The following KDM4C variants were observed in gnomAD, a reference collection of about 807,000 sequenced individuals.
KDM4C encodes the protein lysine-specific demethylase 4C.
KDM4C carries 81 observed loss-of-function variants against 129.3 expected under a neutral mutation model. The observed-to-expected ratio is 0.63, with a 90% CI of 0.52 to 0.75. The LOEUF (loss-of-function observed/expected upper bound fraction) is 0.75, where lower values mean the gene tolerates loss of function less well. Ranked by LOEUF, KDM4C falls within the 30% of genes least tolerant of loss-of-function variation. The pLI is 0.00. For synonymous variants in KDM4C, 573 were observed against 456.1 expected (o/e 1.26, Z -3.26); for missense variants, 1,457 against 1,304.0 (o/e 1.12, Z -1.81).
intron 1 of KDM4C, among the ~76,000 whole-genome samples, chr9:6,733,475 C>T (rs1465937163): frequency 6.6e-6 from 1 of 152,224 alleles, no homozygotes; most frequent in Non-Finnish European, 1.5e-5. Context: ...ACTGAGAGAT[C>T]AGACTCTGGA....
chr9:6,952,791 AT>A (rs1389304510), intron 8 of KDM4C, among the ~76,000 whole-genome samples: 2 of 152,220 alleles, frequency 1.3e-5, no homozygotes, highest in East Asian at 3.8e-4. Context: ...TTCCAGTGAC[AT>A]AAGTGCTCTT....
chr9:6,894,936 G>T (rs1283004258), intron 8 of KDM4C, among the ~76,000 whole-genome samples: 1 of 152,178 alleles, frequency 6.6e-6, no homozygotes, highest in East Asian at 1.9e-4. Context: ...TTAGAGAAAA[G>T]AACTTAGGTA....
At chr9:6,951,304 A>G (rs553999143) in intron 8 of KDM4C, among the ~76,000 whole-genome samples, 3 of 152,222 alleles carry the variant, frequency 2.0e-5, no homozygotes, top group Non-Finnish European at 4.4e-5. Context: ...ATCCTTTAAC[A>G]CATCTCTCCC....
At chr9:6,834,975 C>T (rs1017364576) in intron 4 of KDM4C, 2 of 990,346 alleles carry the variant, frequency 2.0e-6, no homozygotes, top group African/African-American at 1.6e-5. Flanking sequence ...CTCCCCCACA[C>T]CATCCTGCAT....
intron 12 of KDM4C, 24 bp downstream of exon 12, chr9:6,990,548 AT>A (rs35634202): frequency 0.28 from 326,842 of 1,152,036 alleles, 8,582 homozygotes; most frequent in East Asian, 0.29. Flanking sequence ...CCTTTTTGGG[AT>A]TTTTTTTTTT....
intron 1 of KDM4C, among the ~76,000 whole-genome samples, chr9:6,788,768 C>G (rs1564006167): frequency 1.3e-5 from 2 of 152,124 alleles, no homozygotes; most frequent in Admixed American, 6.6e-5. Flanking sequence ...GGACAGGCAA[C>G]TGCTATAATG....
At position 7,029,445 on chromosome 9, in the gene KDM4C, C is replaced by G. The variant is rs1031504822; in HGVS notation, c.2259+13516C>G. On this transcript the variant is annotated intron_variant, in intron 15 of 21. Coordinates refer to ENST00000381309, the MANE Select transcript of KDM4C (RefSeq NM_015061.6). ...ATGTTGATAACCTAAATGTTTACCT[C>G]TATTCCAATAAATTATAATCCAAGT... Among the ~76,000 whole-genome samples the G allele has an allele frequency of 4.6e-5, 7 of 152,016 alleles. No individual in the cohort carries two copies. The East Asian group carries it at 7.7e-4, about 17-fold the overall frequency.
At chr9:6,848,428 A>G (rs1442643935) in intron 4 of KDM4C, among the ~76,000 whole-genome samples, 1 of 152,112 alleles carries the variant, frequency 6.6e-6, no homozygotes, top group Non-Finnish European at 1.5e-5. Flanking sequence ...GCACTTTGGG[A>G]GGCCGAGGTG....
At chr9:7,168,538 C>T (rs1844635334) in intron 20 of KDM4C, among the ~76,000 whole-genome samples, 1 of 152,074 alleles carries the variant, frequency 6.6e-6, no homozygotes, top group Non-Finnish European at 1.5e-5. Flanking sequence ...ATGTTAAAAA[C>T]AATTGGTTAT....
At chr9:7,075,386 G>A (rs1434382916) in intron 17 of KDM4C, among the ~76,000 whole-genome samples, 1 of 152,140 alleles carries the variant, frequency 6.6e-6, no homozygotes, top group African/African-American at 2.4e-5. Context: ...GTTGGGGGGT[G>A]CGACCTAGTG....
chr9:7,165,425 A>C lies in KDM4C; in HGVS notation c.2901+68A>C, dbSNP rs1352292250. 1.1e-5 allele frequency: 17 copies of C among 1,541,130 alleles called. No homozygotes were observed. The East Asian group carries it at 3.0e-4, about 27-fold the overall frequency. ...ATAAGTCAGAAGGAGATAGTATCTC[A>C]AGTGTGCTGCTGAACAATAAGCCAC... On this transcript the variant is annotated intron_variant, in intron 20 of 21. Transcript: ENST00000381309.
intron 8 of KDM4C, chr9:6,974,777 A>G (rs544344806): frequency 2.0e-5 from 3 of 152,190 alleles, no homozygotes; most frequent in Non-Finnish European, 4.4e-5. Flanking sequence ...TTTATCATCC[A>G]TATAAACTGT....
chr9:7,039,868 G>C (rs1452365608), intron 15 of KDM4C, among the ~76,000 whole-genome samples: 1 of 151,980 alleles, frequency 6.6e-6, no homozygotes, highest in African/African-American at 2.4e-5. Flanking sequence ...ATGGCCCCAT[G>C]CAGTTCAAGC....
chr9:6,723,088 A>C (rs1817009567), intron 1 of KDM4C, among the ~76,000 whole-genome samples: 1 of 152,146 alleles, frequency 6.6e-6, no homozygotes, highest in South Asian at 2.1e-4. Flanking sequence ...ATGGTGTCTT[A>C]GTTGTAAAAG....
chr9:6,956,355 T>G (rs776725972), intron 8 of KDM4C, among the ~76,000 whole-genome samples: 1 of 152,270 alleles, frequency 6.6e-6, no homozygotes, highest in East Asian at 1.9e-4. Flanking sequence ...AAACACCTTA[T>G]GTACTCCACA....
At chr9:6,835,556 T>G in intron 4 of KDM4C, 1 of 1,215,364 alleles carries the variant, frequency 8.2e-7, no homozygotes, top group Non-Finnish European at 1.2e-6. Flanking sequence ...GGCTCCATCA[T>G]CCATCCTTCA....
rs895750890 is a variant in KDM4C at position 6,835,596 on chromosome 9, G to C, written c.436-13911G>C. 1.3e-4 allele frequency: 119 copies of C among 891,636 alleles called. 1 individual carries two copies. In the African/African-American group the frequency reaches 1.7e-3, roughly 13 times the overall value. 55.2% of individuals were successfully genotyped at this position (891,636 alleles called of 1,614,324 possible). A position where few individuals can be genotyped will look rare whatever the true frequency, so the allele number is the denominator to read the frequency against. ...CTTCTAGGCGGACTGTGACTTAGTT[G>C]TGTTACACCCTTTCTTGACAAAACC... On this transcript the variant is annotated intron_variant, in intron 4 of 21. Transcript: ENST00000381309.
intron 17 of KDM4C, among the ~76,000 whole-genome samples, chr9:7,074,599 G>A (rs1331221948): frequency 2.0e-5 from 3 of 152,068 alleles, no homozygotes; most frequent in Admixed American, 6.6e-5. Context: ...TCAAGTCCAC[G>A]TGACTGTCTT....
intron 12 of KDM4C, among the ~76,000 whole-genome samples, chr9:7,003,869 T>C (rs1032108315): frequency 1.3e-5 from 2 of 152,206 alleles, no homozygotes; most frequent in African/African-American, 4.8e-5. Context: ...GTTTGAATCT[T>C]TGCCTTTTTG....
Sources: gnomAD v4.1 joint callset for allele counts (sites outside exome capture counted in the v4.1 genomes callset) on GRCh38, gnomAD v4.1.1 for gene constraint, MANE v1.5 for transcripts, NCBI Gene and HGNC (gene_info 2026-07-23, HGNC 2026-07-21) for gene names.